ITSN2: variants seen among roughly 807,000 people sequenced by gnomAD.
ITSN2 encodes the protein intersectin-2.
A neutral mutation model predicts 243.7 loss-of-function variants in ITSN2; 156 were observed. The ratio of observed to expected loss-of-function variants is 0.64; its 90% CI spans 0.56 to 0.73. The LOEUF is 0.73. Among genes scored for constraint, ITSN2 ranks in the 30% least tolerant of loss-of-function variants. The pLI, the probability that ITSN2 is intolerant of heterozygous loss-of-function variation, is 0.00. For synonymous variants in ITSN2, 703 were observed against 699.9 expected (o/e 1.00, Z -0.07); for missense variants, 1,801 against 1,996.1 (o/e 0.90, Z 1.86).
At chr2:24,224,770 C>G (rs1670859803) in intron 29 of ITSN2, among the ~76,000 whole-genome samples, 1 of 152,120 alleles carries the variant, frequency 6.6e-6, no homozygotes, top group African/African-American at 2.4e-5. Context: ...GTAGCTGGAA[C>G]TACAGGTGCC....
chr2:24,238,722 T>C (rs1399533152), intron 29 of ITSN2, among the ~76,000 whole-genome samples: 4 of 152,214 alleles, frequency 2.6e-5, no homozygotes, highest in Admixed American at 2.6e-4. Context: ...ACTTTTGAGA[T>C]ACATATGATT....
At chr2:24,294,170 A>C (rs1680643536) in intron 14 of ITSN2, among the ~76,000 whole-genome samples, 1 of 152,208 alleles carries the variant, frequency 6.6e-6, no homozygotes, top group Admixed American at 6.5e-5. Flanking sequence ...TCACACCTGT[A>C]ATCTCAGCAC....
At chr2:24,230,943 G>A (rs1466730386) in intron 29 of ITSN2, among the ~76,000 whole-genome samples, 4 of 151,510 alleles carry the variant, frequency 2.6e-5, no homozygotes, top group Non-Finnish European at 5.9e-5. Flanking sequence ...TCTTCCCACC[G>A]CACAGGCCTC....
chr2:24,301,582 G>A (rs1420126042), intron 10 of ITSN2, among the ~76,000 whole-genome samples: 1 of 145,022 alleles, frequency 6.9e-6, no homozygotes, highest in African/African-American at 2.6e-5. Context: ...CTAGAGTGCT[G>A]TGGCATAATC....
intron 1 of ITSN2, among the ~76,000 whole-genome samples, chr2:24,335,856 T>G (rs1181643887): frequency 4.6e-5 from 7 of 151,864 alleles, no homozygotes; most frequent in Admixed American, 2.6e-4. Context: ...CAGGCTGGTC[T>G]CAAACTCCTG....
At chr2:24,248,383 T>C (rs1370098087) in intron 27 of ITSN2, among the ~76,000 whole-genome samples, 2 of 152,196 alleles carry the variant, frequency 1.3e-5, no homozygotes, top group African/African-American at 4.8e-5. Flanking sequence ...GAATGCATTA[T>C]TGGAAAACAA....
intron 1 of ITSN2, among the ~76,000 whole-genome samples, chr2:24,349,370 G>T (rs757358264): frequency 2.6e-5 from 4 of 152,014 alleles, no homozygotes; most frequent in Non-Finnish European, 5.9e-5. Context: ...TCATCAACCT[G>T]AATTATTTAA....
At chr2:24,215,905 G>T in intron 32 of ITSN2, 144 bp downstream of exon 32, 1 of 547,122 alleles carries the variant, frequency 1.8e-6, no homozygotes, top group Non-Finnish European at 3.0e-6. Flanking sequence ...AAAACAATCG[G>T]AAAATTCTCT....
At chr2:24,269,845 G>A (rs890158660) in intron 20 of ITSN2, among the ~76,000 whole-genome samples, 2 of 152,230 alleles carry the variant, frequency 1.3e-5, no homozygotes, top group African/African-American at 4.8e-5. Context: ...AAGGAGAGGA[G>A]GAATGGTAGG....
intron 34 of ITSN2, 66 bp from the exon 35 acceptor site, chr2:24,210,099 C>T: frequency 8.4e-7 from 1 of 1,188,180 alleles, no homozygotes; most frequent in Non-Finnish European, 1.2e-6. Context: ...CCTGAGAGGC[C>T]AGTGCCCTGG....
chr2:24,246,280 A>G lies in ITSN2; in HGVS notation c.3426T>C (p.Asn1142=). ...VIAMYDYAAN[N]EDELSFSKGQ... is the part of the protein sequence containing the mutation. Reference sequence around the variant, plus strand: ...CCTTGGAGAAACTGAGCTCATCTTCATTATTTGCTGCATAGTCATACATAG... The same window carrying G: ...CCTTGGAGAAACTGAGCTCATCTTCGTTATTTGCTGCATAGTCATACATAG... Residue 1142 remains asparagine (N), a synonymous_variant, in exon 29 of 40, where the codon AAT becomes AAC. Coordinates refer to ENST00000355123, the MANE Select transcript of ITSN2 (RefSeq NM_006277.3). 4 of 1,612,542 alleles carry G rather than the reference A, an allele frequency of 2.5e-6. No homozygotes were observed. The highest frequency in any genetic ancestry group is 2.5e-6 in the Non-Finnish European group (3 of 1,178,824).
chr2:24,330,603 A>G (rs866431355), intron 1 of ITSN2: 3 of 830,662 alleles, frequency 3.6e-6, no homozygotes, highest in Non-Finnish European at 6.2e-6. Context: ...GGAGGGGAAT[A>G]ACCTTGCAGA....
chr2:24,266,870 G>A (rs1242881649), intron 20 of ITSN2, among the ~76,000 whole-genome samples: 2 of 151,764 alleles, frequency 1.3e-5, no homozygotes, highest in African/African-American at 4.8e-5. Flanking sequence ...TCGGGTGGTC[G>A]AGGCTGTAGT....
Position 24,296,163 on chromosome 2 carries a change from C to T in ITSN2, c.1495-359G>A, listed in dbSNP as rs1011346790. Among the ~76,000 whole-genome samples the T allele has an allele frequency of 2.6e-4, 39 of 152,170 alleles. 1 individual carries two copies. Among genetic ancestry groups the T allele is most frequent in the South Asian group, 2.1e-4 (1 of 4,826 alleles). On this transcript the variant is annotated intron_variant, in intron 13 of 39. Transcript: ENST00000355123. ...GGAATAAATGTTTGCATGTGATGCTCGGCATTACCTTCTCTGAACTTCTAT... is the reference window on the plus strand; with the variant it reads ...GGAATAAATGTTTGCATGTGATGCTTGGCATTACCTTCTCTGAACTTCTAT...
chr2:24,315,148 T>C lies in ITSN2; in HGVS notation c.108A>G (p.Ser36=). The part of the protein sequence containing the change: ...HDRQFDNLKP[S]GGYITGDQAR... ...AATACAAACCTGTTATGTAACCTCC[T>C]GAAGGTTTGAGGTTATCAAACTGCC... Residue 36 remains serine, a synonymous_variant, in exon 3 of 40, where the codon TCA becomes TCG. Coordinates refer to ENST00000355123, the MANE Select transcript of ITSN2 (RefSeq NM_006277.3). The C allele has an allele frequency of 6.2e-7, 1 of 1,600,134 alleles. No homozygotes were observed. The highest frequency in any genetic ancestry group is 1.3e-5 in the African/African-American group (1 of 74,782).
At chr2:24,350,059 T>C (rs1687892299) in intron 1 of ITSN2, among the ~76,000 whole-genome samples, 1 of 152,196 alleles carries the variant, frequency 6.6e-6, no homozygotes, top group South Asian at 2.1e-4. Context: ...AACCAGCTAA[T>C]TTTAGTTGTG....
At position 24,313,130 on chromosome 2, in the gene ITSN2, C is replaced by G. The variant is rs1292426426; in HGVS notation, c.188+330G>C. On this transcript the variant is annotated intron_variant, in intron 4 of 39. Transcript: ENST00000355123. ...AGAGAGTCTCATTCTGTCATCCAGG[C>G]TAGGGTGCAGTGACACAATCATAGT... 2.1e-5 allele frequency among the ~76,000 whole-genome samples: 3 copies of G among 144,034 alleles called. No homozygotes were observed. The East Asian group carries it at 6.1e-4, about 29-fold the overall frequency. 94.5% of individuals were successfully genotyped at this position (144,034 alleles called of 152,430 possible). A position where few individuals can be genotyped will look rare whatever the true frequency, so the allele number is the denominator to read the frequency against.
intron 17 of ITSN2, among the ~76,000 whole-genome samples, chr2:24,282,516 T>C (rs1028784161): frequency 6.6e-6 from 1 of 152,198 alleles, no homozygotes; most frequent in African/African-American, 2.4e-5. Context: ...CTCTGTTCTG[T>C]CCTTGTGATA....
intron 25 of ITSN2, among the ~76,000 whole-genome samples, chr2:24,250,190 A>G (rs947003198): frequency 2.6e-5 from 4 of 152,262 alleles, no homozygotes; most frequent in African/African-American, 4.8e-5. Flanking sequence ...TCTTAAGGAA[A>G]GTATTTGTGT....
Sources: allele counts gnomAD v4.1 joint callset (sites outside exome capture counted in the v4.1 genomes callset), GRCh38; gene constraint gnomAD v4.1.1; transcripts MANE v1.5; gene names NCBI Gene and HGNC (gene_info 2026-07-23, HGNC 2026-07-21).